The following DOCK3 variants were observed in gnomAD, a reference collection of about 807,000 sequenced individuals.
DOCK3 encodes dedicator of cytokinesis protein 3.
DOCK3 carries 60 observed loss-of-function variants against 265.6 expected under a neutral mutation model. That is an observed-to-expected ratio of 0.23 (90% CI 0.18 to 0.28). The LOEUF (loss-of-function observed/expected upper bound fraction) is 0.28, where lower values mean the gene tolerates loss of function less well. DOCK3 is among the 10% of genes least tolerant of loss of function. The pLI is 1.00. For synonymous variants in DOCK3, 881 were observed against 938.0 expected, an observed-to-expected ratio of 0.94 and a Z score of 1.11; for missense variants, 1,981 against 2,594.3, an observed-to-expected ratio of 0.76 and a Z score of 5.14.
intron 5 of DOCK3, among the ~76,000 whole-genome samples, chr3:51,009,226 G>A (rs1185228090): frequency 2.0e-5 from 3 of 152,018 alleles, no homozygotes; most frequent in African/African-American, 7.2e-5. Flanking sequence ...CATAGAATTC[G>A]GCTGTGAACC....
At chr3:51,346,920 G>A (rs1017581816) in intron 38 of DOCK3, among the ~76,000 whole-genome samples, 1 of 152,100 alleles carries the variant, frequency 6.6e-6, no homozygotes. Flanking sequence ...TGTGTCTGTT[G>A]GCTACATAAA....
chr3:51,122,362 C>T (rs982885497), intron 9 of DOCK3, among the ~76,000 whole-genome samples: 4 of 152,052 alleles, frequency 2.6e-5, no homozygotes, highest in Non-Finnish European at 5.9e-5. Context: ...CACCTGTAGT[C>T]CTAGGTACTT....
chr3:50,969,476 CAA>C, intron 5 of DOCK3, among the ~76,000 whole-genome samples: 1 of 152,204 alleles, frequency 6.6e-6, no homozygotes, highest in South Asian at 2.1e-4. Flanking sequence ...CATTTATATT[CAA>C]AGTTAATATT....
chr3:50,966,800 G>A (rs955457441), intron 5 of DOCK3, among the ~76,000 whole-genome samples: 1 of 152,042 alleles, frequency 6.6e-6, no homozygotes, highest in Non-Finnish European at 1.5e-5. Context: ...AGTAGGGGAT[G>A]ACCAACTTGC....
intron 14 of DOCK3, among the ~76,000 whole-genome samples, chr3:51,220,884 G>A (rs2090066265): frequency 6.6e-6 from 1 of 151,642 alleles, no homozygotes; most frequent in South Asian, 2.1e-4. Flanking sequence ...ATTCCACATG[G>A]GCTAGCACTA....
chr3:51,307,885 T>G (rs915502271), intron 27 of DOCK3, among the ~76,000 whole-genome samples: 2 of 149,672 alleles, frequency 1.3e-5, no homozygotes, highest in African/African-American at 4.9e-5. Flanking sequence ...ATGGGTTTTT[T>G]TTTTTGTTTT....
chr3:51,354,990 C>G lies in DOCK3; in HGVS notation c.4216C>G (p.Pro1406Ala). Residue 1406 changes from proline to alanine, a missense_variant, in exon 41 of 53, where the codon CCT (proline) becomes GCT (alanine). Transcript: ENST00000266037. ...QAVAMQHPNHPDDAILQCDAQ... is the reference protein window; with the variant it reads ...QAVAMQHPNHADDAILQCDAQ... The stretch of plus-strand genomic sequence containing the variant: ...TGTCGCCATGCAGCACCCCAACCAT[C>G]CTGATGACGCCATCCTACAGTGCGA... The G allele has an allele frequency of 6.2e-7, 1 of 1,613,920 alleles. No homozygotes were observed. Among genetic ancestry groups the G allele is most frequent in the Non-Finnish European group, 8.5e-7 (1 of 1,179,848 alleles).
chr3:51,075,288 C>A, intron 6 of DOCK3, 68 bp from the exon 7 acceptor site: 2 of 1,380,884 alleles, frequency 1.4e-6, no homozygotes, highest in Non-Finnish European at 2.0e-6. Flanking sequence ...TATGGGTTCC[C>A]AGGCACATAA....
chr3:51,228,003 A>C lies in DOCK3; in HGVS notation c.1562A>C (p.Lys521Thr), dbSNP rs1247725594. ...ACAGCAAAGGACAAAGGGGAAAAGA[A>C]ACTCTTTGGCTTTGCATTCTCAACC... ...HCSTKDKGEK[K>T]LFGFAFSTLM... Residue 521 changes from lysine to threonine, a missense_variant, in exon 17 of 53, where the codon AAA becomes ACA. Lys to Thr is a moderately conservative substitution (Grantham distance 78). This residue lies in a region of DOCK3 where 1,357 missense variants were observed against 1,866.8 expected (regional missense o/e 0.73). Transcript: ENST00000266037. The C allele has an allele frequency of 6.2e-7, 1 of 1,613,910 alleles. No homozygotes were observed. The highest frequency in any genetic ancestry group is 8.5e-7 in the Non-Finnish European group (1 of 1,179,912).
intron 1 of DOCK3, among the ~76,000 whole-genome samples, chr3:50,759,308 A>G (rs2040387259): frequency 6.6e-6 from 1 of 152,098 alleles, no homozygotes; most frequent in Non-Finnish European, 1.5e-5. Flanking sequence ...CAGCGGCTGC[A>G]CCATTTTACA....
intron 10 of DOCK3, among the ~76,000 whole-genome samples, chr3:51,151,053 C>T (rs532047978): frequency 4.6e-5 from 7 of 152,066 alleles, no homozygotes; most frequent in African/African-American, 1.7e-4. Flanking sequence ...ATTCATTTAC[C>T]ATTATGTAAT....
At chr3:50,876,446 A>G (rs1433303697) in intron 3 of DOCK3, among the ~76,000 whole-genome samples, 3 of 152,170 alleles carry the variant, frequency 2.0e-5, no homozygotes, top group Non-Finnish European at 1.5e-5. Flanking sequence ...ATAAATATTT[A>G]GTGAATAAAT....
At chr3:50,752,309 G>A (rs2039870886) in intron 1 of DOCK3, among the ~76,000 whole-genome samples, 1 of 152,056 alleles carries the variant, frequency 6.6e-6, no homozygotes, top group Non-Finnish European at 1.5e-5. Flanking sequence ...AAGAGATTGA[G>A]ACCATCCTGG....
Position 51,381,036 on chromosome 3 carries a change from C to G in DOCK3, c.5584-14C>G. 6.4e-7 allele frequency: 1 copy of G among 1,570,160 alleles called. No homozygotes were observed. Among genetic ancestry groups the G allele is most frequent in the South Asian group, 1.2e-5 (1 of 84,906 alleles). ...GAGAGAGGGATTCTAACATGCCCAC[C>G]CTTTCCTTCGCAGTCTCCTCTCCAC... On this transcript the variant is annotated splice_polypyrimidine_tract_variant and intron_variant, in intron 52 of 52. Transcript: ENST00000266037. The surrounding 1 kb of genome is among the most constrained non-coding windows in gnomAD (Gnocchi z 5.6).
chr3:51,315,261 G>A, intron 32 of DOCK3, 133 bp downstream of exon 32: 1 of 1,181,012 alleles, frequency 8.5e-7, no homozygotes, highest in Non-Finnish European at 1.1e-6. Flanking sequence ...CTGTTCAAGG[G>A]TTTTCCCTTA....
At chr3:51,376,993 G>A (rs547195557) in intron 51 of DOCK3, among the ~76,000 whole-genome samples, 1 of 152,380 alleles carries the variant, frequency 6.6e-6, no homozygotes, top group South Asian at 2.1e-4. Flanking sequence ...CGCCTGGAGG[G>A]CCAGAATCCA....
chr3:50,755,424 A>G (rs141588067), intron 1 of DOCK3, among the ~76,000 whole-genome samples: 16 of 152,342 alleles, frequency 1.1e-4, no homozygotes, highest in Non-Finnish European at 1.5e-4. Flanking sequence ...TCAGGTTACA[A>G]TGAATTAGTG....
intron 4 of DOCK3, among the ~76,000 whole-genome samples, chr3:50,921,883 C>T (rs1308428619): frequency 5.3e-5 from 8 of 152,170 alleles, no homozygotes; most frequent in East Asian, 3.9e-4. Flanking sequence ...TATTGCAGAA[C>T]GGCAAATGTT....
At chr3:50,763,348 C>T (rs1339529311) in intron 1 of DOCK3, among the ~76,000 whole-genome samples, 1 of 151,974 alleles carries the variant, frequency 6.6e-6, no homozygotes, top group African/African-American at 2.4e-5. Flanking sequence ...TGGTGAGATA[C>T]ACGGCTCCCT....
Sources: gnomAD v4.1 joint callset for allele counts (sites outside exome capture counted in the v4.1 genomes callset) on GRCh38, gnomAD v4.1.1 for gene constraint, gnomAD v4.1.1 regional missense constraint, Gnocchi (gnomAD v3.1) non-coding constraint, MANE v1.5 for transcripts, NCBI Gene and HGNC (gene_info 2026-07-23, HGNC 2026-07-21) for gene names.